DACH1: variants seen among roughly 807,000 people sequenced by gnomAD.
The protein encoded by DACH1 is dachshund family transcription factor 1.
Under a neutral mutation model 54.2 loss-of-function variants are expected in DACH1, and 12 were observed. The observed-to-expected ratio is 0.22, with a 90% CI of 0.14 to 0.36. The LOEUF is 0.36. Ranked by LOEUF, DACH1 falls within the 10% of genes least tolerant of loss-of-function variation. The pLI is 1.00. For missense variants in DACH1, 805 were observed against 929.8 expected (o/e 0.87, Z 1.75); for synonymous variants, 386 against 366.2 (o/e 1.05, Z -0.62).
chr13:71,453,585 A>C (rs188966091), intron 10 of DACH1, among the ~76,000 whole-genome samples: 22 of 152,318 alleles, frequency 1.4e-4, no homozygotes, highest in Non-Finnish European at 2.9e-4. Context: ...GGAAGAAAAA[A>C]AACTCATCAT....
chr13:71,482,969 T>C (rs1878177975), intron 7 of DACH1, among the ~76,000 whole-genome samples: 1 of 151,908 alleles, frequency 6.6e-6, no homozygotes, highest in Admixed American at 6.6e-5. Flanking sequence ...CCCGGCTTAT[T>C]TTTTTGTATT....
At chr13:71,475,351 T>A in intron 9 of DACH1, 142 bp from the exon 10 acceptor site, 1 of 745,254 alleles carries the variant, frequency 1.3e-6, no homozygotes, top group Non-Finnish European at 2.2e-6. Context: ...ACAAAAACTG[T>A]AACCGTAAGA....
At chr13:71,521,344 T>C (rs1443696207) in intron 6 of DACH1, among the ~76,000 whole-genome samples, 4 of 152,018 alleles carry the variant, frequency 2.6e-5, no homozygotes, top group Non-Finnish European at 5.9e-5. Flanking sequence ...TAGGTTATGA[T>C]TTTGTCATCT....
intron 1 of DACH1, among the ~76,000 whole-genome samples, chr13:71,855,074 G>A (rs766277094): frequency 5.3e-5 from 8 of 151,944 alleles, no homozygotes; most frequent in Admixed American, 1.3e-4. Flanking sequence ...ACCTTCCACT[G>A]GCAATTGTAA....
intron 3 of DACH1, among the ~76,000 whole-genome samples, chr13:71,578,320 A>G (rs1181356993): frequency 1.3e-5 from 2 of 152,180 alleles, no homozygotes; most frequent in Non-Finnish European, 2.9e-5. Flanking sequence ...ATTGGAGACC[A>G]CTTAGAAAGA....
At chr13:71,836,848 T>C (rs1325359) in intron 1 of DACH1, among the ~76,000 whole-genome samples, 46,156 of 151,970 alleles carry the variant, frequency 0.3, 7,503 homozygotes, top group Non-Finnish European at 0.34. Flanking sequence ...AATTCTTTAT[T>C]GCCTCCCTCT....
chr13:71,744,223 A>G (rs1413738239), intron 1 of DACH1, among the ~76,000 whole-genome samples: 1 of 152,198 alleles, frequency 6.6e-6, no homozygotes, highest in African/African-American at 2.4e-5. Context: ...ACCTCATAAC[A>G]TATTGTAATT....
chr13:71,447,900 A>G (rs1030310038), intron 10 of DACH1, among the ~76,000 whole-genome samples: 21 of 152,204 alleles, frequency 1.4e-4, no homozygotes, highest in Admixed American at 6.5e-5. Flanking sequence ...AATTGACACC[A>G]AAAAATCCAA....
intron 2 of DACH1, among the ~76,000 whole-genome samples, chr13:71,663,889 A>T (rs542456967): frequency 6.6e-6 from 1 of 152,014 alleles, no homozygotes; most frequent in African/African-American, 2.4e-5. Flanking sequence ...AAAGTTCATT[A>T]ATATCCACAT....
chr13:71,631,629 G>GT (rs1877108107), intron 2 of DACH1, among the ~76,000 whole-genome samples: 1 of 152,144 alleles, frequency 6.6e-6, no homozygotes, highest in Non-Finnish European at 1.5e-5. Flanking sequence ...ATAACCCTCT[G>GT]TGATTGATCA....
rs189560653 is a variant in DACH1 at position 71,842,069 on chromosome 13, T to G, written c.848+23853A>C. ...TATAGTGTACTAAAGAGTGTAGAAT[T>G]TGGAATCAGAAAGCCTCAGATAACT... On this transcript the variant is annotated intron_variant, in intron 1 of 10. Transcript: ENST00000613252. 5.3e-5 allele frequency among the ~76,000 whole-genome samples: 8 copies of G among 152,264 alleles called. No individual in the cohort carries two copies. In the East Asian group the frequency reaches 1.5e-3, roughly 29 times the overall value.
At chr13:71,572,770 A>G in intron 4 of DACH1, 70 bp downstream of exon 4, 3 of 1,487,754 alleles carry the variant, frequency 2.0e-6, no homozygotes, top group South Asian at 2.7e-5. Context: ...CTTATGGAAT[A>G]AGAAAAATGG....
intron 6 of DACH1, among the ~76,000 whole-genome samples, chr13:71,518,335 C>A (rs1031110460): frequency 4.6e-5 from 7 of 151,622 alleles, no homozygotes; most frequent in African/African-American, 1.7e-4. Context: ...GAGGCCTCAG[C>A]ACAAACCAAA....
intron 6 of DACH1, among the ~76,000 whole-genome samples, chr13:71,511,123 A>C (rs559704458): frequency 9.5e-4 from 144 of 152,192 alleles, no homozygotes; most frequent in African/African-American, 3.3e-3. Context: ...AACAAGGACT[A>C]ACAAGGGAGG....
At chr13:71,858,189 C>T (rs376008508) in intron 1 of DACH1, among the ~76,000 whole-genome samples, 2 of 151,586 alleles carry the variant, frequency 1.3e-5, no homozygotes, top group East Asian at 1.9e-4. Context: ...TCAAGTAGTA[C>T]ACTTTCTTTC....
At chr13:71,452,899 TA>T (rs1875200995) in intron 10 of DACH1, among the ~76,000 whole-genome samples, 1 of 152,202 alleles carries the variant, frequency 6.6e-6, no homozygotes, top group African/African-American at 2.4e-5. Flanking sequence ...AAATAAATAT[TA>T]AGTTATCTTT....
chr13:71,600,008 T>C (rs1874383010), intron 3 of DACH1, among the ~76,000 whole-genome samples: 1 of 152,048 alleles, frequency 6.6e-6, no homozygotes, highest in Non-Finnish European at 1.5e-5. Context: ...TATTAAGGAA[T>C]AGGGCCAAAA....
intron 6 of DACH1, among the ~76,000 whole-genome samples, chr13:71,546,530 T>C (rs1883477910): frequency 6.6e-6 from 1 of 151,996 alleles, no homozygotes; most frequent in East Asian, 1.9e-4. Context: ...GCAGTTGTTT[T>C]TAAGAATTTA....
At chr13:71,635,789 C>T (rs949761010) in intron 2 of DACH1, among the ~76,000 whole-genome samples, 1 of 151,806 alleles carries the variant, frequency 6.6e-6, no homozygotes, top group Admixed American at 6.6e-5. Flanking sequence ...TTTTTCTTTT[C>T]TTTTCTTTTT....
Sources: allele counts gnomAD v4.1 joint callset (sites outside exome capture counted in the v4.1 genomes callset), GRCh38; gene constraint gnomAD v4.1.1; transcripts MANE v1.5; gene names NCBI Gene and HGNC (gene_info 2026-07-23, HGNC 2026-07-21).